Variants in FBLN5 observed in about 807,000 individuals in gnomAD.
The protein encoded by FBLN5 is fibulin 5.
FBLN5 carries 24 observed loss-of-function variants against 61.6 expected under a neutral mutation model. The ratio of observed to expected loss-of-function variants is 0.39; its 90% CI spans 0.28 to 0.55. The LOEUF (loss-of-function observed/expected upper bound fraction) is 0.55. Among genes scored for constraint, FBLN5 ranks in the 20% least tolerant of loss-of-function variants. The pLI is 0.65. For missense variants in FBLN5, 470 were observed against 594.1 expected (o/e 0.79, Z 2.17); for synonymous variants, 213 against 219.8 (o/e 0.97, Z 0.27).
At chr14:91,891,370 G>A in intron 5 of FBLN5, 33 bp from the exon 6 acceptor site, 1 of 1,361,866 alleles carries the variant, frequency 7.3e-7, no homozygotes, top group Non-Finnish European at 1.1e-6. Flanking sequence ...AGTGAGACAG[G>A]TCTCCTCACT....
chr14:91,919,091 G>A (rs535010882), intron 4 of FBLN5, among the ~76,000 whole-genome samples: 2 of 152,224 alleles, frequency 1.3e-5, no homozygotes, highest in South Asian at 2.1e-4. Flanking sequence ...AGCACTTTGG[G>A]AGGCCAAGAT....
chr14:91,913,529 GAGC>G (rs1033008008), intron 4 of FBLN5, among the ~76,000 whole-genome samples: 13 of 152,318 alleles, frequency 8.5e-5, no homozygotes, highest in Non-Finnish European at 1.2e-4. Context: ...GGAAAGGAGT[GAGC>G]AGCATAGAAG....
chr14:91,932,157 A>G (rs931428638), intron 4 of FBLN5, among the ~76,000 whole-genome samples: 2 of 152,164 alleles, frequency 1.3e-5, no homozygotes, highest in African/African-American at 4.8e-5. Flanking sequence ...GATCTGGGTG[A>G]CACACTCTAA....
Position 91,937,148 on chromosome 14 carries a change from C to G in FBLN5, c.178G>C (p.Val60Leu), listed in dbSNP as rs121434299. 105 of 1,614,018 alleles carry G rather than the reference C, an allele frequency of 6.5e-5. No homozygotes were observed. The highest frequency in any genetic ancestry group is 8.4e-5 in the Non-Finnish European group (99 of 1,180,046). ...PEACRGDMMCVNQNGGYLCIP... is the reference protein window; with the variant it reads ...PEACRGDMMCLNQNGGYLCIP... ...CATAAATACCCGCCATTTTGGTTAA[C>G]ACACATCATGTCTCCTCGGCAGGCC... is the stretch of plus-strand genomic sequence containing the variant. Residue 60 changes from valine to leucine, a missense_variant, in exon 4 of 11, where the codon GTT becomes CTT. Transcript: ENST00000342058.
Position 91,870,111 on chromosome 14 carries a change from G to A in FBLN5, c.*113C>T, listed in dbSNP as rs1049015961. ...GTCGGGGCTGACTCTTCGGGGAAAC[G>A]TTCAGCAGGAAATGCCTAACGTCTG... On this transcript the variant is annotated 3_prime_UTR_variant, in exon 11 of 11. Coordinates refer to ENST00000342058, the MANE Select transcript of FBLN5 (RefSeq NM_006329.4). The A allele has an allele frequency of 1.1e-5, 12 of 1,139,706 alleles. No homozygotes were observed. Among genetic ancestry groups the A allele is most frequent in the African/African-American group, 4.6e-5 (3 of 65,794 alleles). 70.6% of individuals were successfully genotyped at this position (1,139,706 alleles called of 1,614,324 possible).
chr14:91,894,413 A>AAC (rs1890125066), intron 5 of FBLN5, among the ~76,000 whole-genome samples: 2 of 146,480 alleles, frequency 1.4e-5, no homozygotes, highest in Non-Finnish European at 3.0e-5. Context: ...AAAAAAAAAA[A>AAC]AAAAAAAAAA....
intron 4 of FBLN5, among the ~76,000 whole-genome samples, chr14:91,916,142 A>G (rs1891188891): frequency 6.6e-6 from 1 of 152,188 alleles, no homozygotes; most frequent in Non-Finnish European, 1.5e-5. Flanking sequence ...GATAACAAAG[A>G]ACAGCTCAAA....
chr14:91,909,718 T>C (rs1184307038), intron 4 of FBLN5, among the ~76,000 whole-genome samples: 1 of 152,162 alleles, frequency 6.6e-6, no homozygotes, highest in African/African-American at 2.4e-5. Context: ...GCTGGCACCA[T>C]GCATTAGGAC....
chr14:91,916,913 G>A lies in FBLN5; in HGVS notation c.379+20034C>T, dbSNP rs183710921. Among the ~76,000 whole-genome samples the A allele has an allele frequency of 1.3e-4, 20 of 152,310 alleles. 1 individual carries two copies. In the East Asian group the frequency reaches 1.7e-3, roughly 13 times the overall value. On this transcript the variant is annotated intron_variant, in intron 4 of 10. Transcript: ENST00000342058. ...ACTTTTGGTCCATGCACGGCAGGTA[G>A]CTTTGGACCCACTGCTGGTTCCGGG... is the stretch of plus-strand genomic sequence containing the variant.
At chr14:91,938,703 T>A (rs1005569449) in intron 3 of FBLN5, among the ~76,000 whole-genome samples, 13 of 152,128 alleles carry the variant, frequency 8.5e-5, no homozygotes, top group Non-Finnish European at 1.6e-4. Flanking sequence ...GTAGACATGA[T>A]CCCGTATACC....
chr14:91,947,519 T>C lies in FBLN5; in HGVS notation c.-290A>G. 2 of 560,706 alleles carry C rather than the reference T, an allele frequency of 3.6e-6. No homozygotes were observed. Among genetic ancestry groups the C allele is most frequent in the Non-Finnish European group, 6.4e-6 (2 of 313,612 alleles). The allele number at this position is 560,706 out of a possible 1,614,324, so 34.7% of individuals were successfully genotyped here. On this transcript the variant is annotated 5_prime_UTR_variant, in exon 1 of 11. Transcript: ENST00000342058. The surrounding 1 kb of genome is among the most constrained non-coding windows in gnomAD (Gnocchi z 4.3). ...AAATGAACACTTCATTTTCTAAGTA[T>C]GTTAAACAATGCAAATGGGGCCTCA...
intron 6 of FBLN5, among the ~76,000 whole-genome samples, chr14:91,888,191 C>G (rs967707695): frequency 6.6e-6 from 1 of 151,672 alleles, no homozygotes; most frequent in Non-Finnish European, 1.5e-5. Context: ...CCCAGCTACC[C>G]GGGAGGCTGA....
At chr14:91,940,265 C>T (rs540083663) in intron 3 of FBLN5, among the ~76,000 whole-genome samples, 1 of 152,304 alleles carries the variant, frequency 6.6e-6, no homozygotes, top group East Asian at 1.9e-4. Context: ...TAAAATCATA[C>T]ACTGGTGTTG....
intron 4 of FBLN5, among the ~76,000 whole-genome samples, chr14:91,916,996 C>T (rs746465441): frequency 1.3e-5 from 2 of 152,188 alleles, no homozygotes; most frequent in Admixed American, 1.3e-4. Context: ...GTCATTGTGA[C>T]GAACTCAGGG....
At chr14:91,878,432 C>A (rs1394812890) in intron 9 of FBLN5, among the ~76,000 whole-genome samples, 2 of 152,154 alleles carry the variant, frequency 1.3e-5, no homozygotes, top group Non-Finnish European at 2.9e-5. Context: ...CCCTAACACC[C>A]CCTTCCTCTG....
At chr14:91,891,671 G>A (rs1890003118) in intron 5 of FBLN5, among the ~76,000 whole-genome samples, 1 of 152,078 alleles carries the variant, frequency 6.6e-6, no homozygotes, top group African/African-American at 2.4e-5. Flanking sequence ...TCAACACTAA[G>A]GTTTATCCAA....
chr14:91,938,782 C>T (rs72705369), intron 3 of FBLN5, among the ~76,000 whole-genome samples: 1,578 of 152,252 alleles, frequency 0.01, 17 homozygotes, highest in Non-Finnish European at 0.014. Flanking sequence ...TGCCTGCACC[C>T]GACAACTCAC....
chr14:91,922,208 G>A lies in FBLN5; in HGVS notation c.379+14739C>T, dbSNP rs145225285. On this transcript the variant is annotated intron_variant, in intron 4 of 10. Coordinates refer to ENST00000342058, the MANE Select transcript of FBLN5 (RefSeq NM_006329.4). ...CTCAGGAGGCTGAGGCATGAGAATCGCTTGAACCCAGGAGGCGGAAATTGC... is the reference window on the plus strand; with the variant it reads ...CTCAGGAGGCTGAGGCATGAGAATCACTTGAACCCAGGAGGCGGAAATTGC... 5.2e-3 allele frequency among the ~76,000 whole-genome samples: 797 copies of A among 151,956 alleles called. 10 individuals carry two copies. Among genetic ancestry groups the A allele is most frequent in the African/African-American group, 0.018 (755 of 41,432 alleles).
chr14:91,894,670 C>A (rs139290606), intron 5 of FBLN5, among the ~76,000 whole-genome samples: 2 of 152,010 alleles, frequency 1.3e-5, no homozygotes, highest in Admixed American at 1.3e-4. Flanking sequence ...TGCGGTGAGC[C>A]GAAATTGCGC....
Sources: allele counts gnomAD v4.1 joint callset (sites outside exome capture counted in the v4.1 genomes callset), GRCh38; gene constraint gnomAD v4.1.1; non-coding constraint Gnocchi (gnomAD v3.1); transcripts MANE v1.5; gene names NCBI Gene and HGNC (gene_info 2026-07-23, HGNC 2026-07-21).